Variants in LYN observed in about 807,000 individuals in gnomAD.
The protein encoded by LYN is tyrosine-protein kinase Lyn.
In LYN, 12 loss-of-function variants were observed where a neutral mutation model predicts 65.0. That is an observed-to-expected ratio of 0.18 (90% CI 0.12 to 0.30). The LOEUF (loss-of-function observed/expected upper bound fraction) is 0.30. Ranked by LOEUF, LYN falls within the 10% of genes least tolerant of loss-of-function variation. The pLI, the probability that LYN is intolerant of heterozygous loss-of-function variation, is 1.00. For missense variants in LYN, 380 were observed against 623.2 expected (o/e 0.61, Z 4.16); for synonymous variants, 222 against 221.2 (o/e 1.00, Z -0.03).
At chr8:55,966,358 T>C (rs1198527397) in intron 8 of LYN, among the ~76,000 whole-genome samples, 1 of 125,902 alleles carries the variant, frequency 7.9e-6, no homozygotes, top group Non-Finnish European at 1.7e-5. Flanking sequence ...ATCTACAAAG[T>C]GAAGTTTTAA....
chr8:55,885,552 A>G (rs1299181681), intron 1 of LYN, among the ~76,000 whole-genome samples: 1 of 152,200 alleles, frequency 6.6e-6, no homozygotes, highest in East Asian at 1.9e-4. Context: ...GGGCGCTGGT[A>G]CAGTGAGACT....
At chr8:55,912,779 G>A (rs1386057651) in intron 1 of LYN, among the ~76,000 whole-genome samples, 3 of 150,732 alleles carry the variant, frequency 2.0e-5, no homozygotes. Flanking sequence ...TCATTATAAG[G>A]AAAAAAGAAA....
chr8:55,926,917 C>T (rs1043729541), intron 1 of LYN, among the ~76,000 whole-genome samples: 4 of 152,316 alleles, frequency 2.6e-5, no homozygotes, highest in Admixed American at 6.5e-5. Flanking sequence ...CTAGGCAGTG[C>T]GCCCAGAGCT....
intron 10 of LYN, among the ~76,000 whole-genome samples, chr8:55,986,164 C>CA (rs1377875463): frequency 4.9e-4 from 67 of 135,986 alleles, no homozygotes; most frequent in Admixed American, 3.1e-3. Flanking sequence ...GACCCTGTCT[C>CA]AAAAAAAAAA....
chr8:55,987,318 G>A (rs1808101728), intron 10 of LYN, among the ~76,000 whole-genome samples: 1 of 150,506 alleles, frequency 6.6e-6, no homozygotes, highest in African/African-American at 2.5e-5. Flanking sequence ...TGAGGCACAA[G>A]AATTGCTCGA....
intron 9 of LYN, 115 bp downstream of exon 9, chr8:55,967,012 G>A (rs982535732): frequency 1.2e-4 from 103 of 883,198 alleles, no homozygotes; most frequent in Non-Finnish European, 1.5e-4. Context: ...ACCCACTACC[G>A]AAAAATCAGG....
At chr8:55,930,563 T>C (rs1382512454) in intron 1 of LYN, among the ~76,000 whole-genome samples, 3 of 152,204 alleles carry the variant, frequency 2.0e-5, no homozygotes, top group Non-Finnish European at 4.4e-5. Flanking sequence ...TAAGTTTCCA[T>C]GAGCTCATCT....
intron 1 of LYN, among the ~76,000 whole-genome samples, chr8:55,927,281 T>A (rs955346146): frequency 1.6e-4 from 24 of 152,196 alleles, no homozygotes; most frequent in African/African-American, 5.1e-4. Context: ...CAACCACTGA[T>A]CTTTTTAGTG....
intron 1 of LYN, among the ~76,000 whole-genome samples, chr8:55,933,013 T>C (rs1436679926): frequency 1.3e-5 from 2 of 152,218 alleles, no homozygotes; most frequent in African/African-American, 4.8e-5. Flanking sequence ...TTTGGTACTA[T>C]GCTCACTACC....
At position 55,932,010 on chromosome 8, in the gene LYN, A is replaced by T. The variant is rs148229038; in HGVS notation, c.-5-9845A>T. Among the ~76,000 whole-genome samples, 22 of 152,348 alleles carry T rather than the reference A, an allele frequency of 1.4e-4. No homozygotes were observed. The East Asian group carries it at 4.2e-3, about 29-fold the overall frequency. On this transcript the variant is annotated intron_variant, in intron 1 of 12. Transcript: ENST00000519728. The stretch of plus-strand genomic sequence containing the variant: ...CCAAATCATTTCCAACACATATGAC[A>T]TGCTTAAACTTTAGTTTCTGAGAAG...
At chr8:55,962,867 A>G (rs561907601) in intron 8 of LYN, among the ~76,000 whole-genome samples, 3 of 152,342 alleles carry the variant, frequency 2.0e-5, no homozygotes, top group East Asian at 1.9e-4. Flanking sequence ...GGAAGCTTCC[A>G]TTCAAAAAGG....
intron 1 of LYN, among the ~76,000 whole-genome samples, chr8:55,922,575 CT>C (rs1243612564): frequency 1.3e-5 from 2 of 152,030 alleles, no homozygotes; most frequent in Non-Finnish European, 2.9e-5. Flanking sequence ...CAAGACCAGC[CT>C]GGCCAACATG....
At chr8:55,894,607 A>G (rs1805040443) in intron 1 of LYN, among the ~76,000 whole-genome samples, 1 of 149,332 alleles carries the variant, frequency 6.7e-6, no homozygotes, top group African/African-American at 2.5e-5. Context: ...ATCTTGGCTC[A>G]CTGCAACCTC....
At chr8:56,000,657 AGCACAGGTTGCAGTGAGCCGAGACT>A (rs925147985) in intron 12 of LYN, among the ~76,000 whole-genome samples, 6 of 144,664 alleles carry the variant, frequency 4.1e-5, no homozygotes, top group African/African-American at 1.3e-4. Context: ...CAACCTGGGA[AGCACAGGTTGCAGTGAGCCGAGACT>A]GCACCCCTGC....
chr8:55,950,875 A>G, intron 6 of LYN, 91 bp downstream of exon 6: 2 of 886,190 alleles, frequency 2.3e-6, no homozygotes, highest in South Asian at 1.4e-5. Flanking sequence ...AAAAAAGGGC[A>G]TATAGTATGC....
At chr8:55,926,000 T>C (rs79522141) in intron 1 of LYN, among the ~76,000 whole-genome samples, 10,812 of 152,288 alleles carry the variant, frequency 0.071, 581 homozygotes, top group African/African-American at 0.14. Flanking sequence ...ACTTTTTATC[T>C]TGTTTTATAA....
chr8:55,965,900 G>A (rs1209875604), intron 8 of LYN, among the ~76,000 whole-genome samples: 2 of 152,118 alleles, frequency 1.3e-5, no homozygotes, highest in African/African-American at 2.4e-5. Flanking sequence ...TGAGGCTGGC[G>A]GATCACTTGA....
intron 1 of LYN, among the ~76,000 whole-genome samples, chr8:55,929,147 C>T (rs749422533): frequency 2.6e-5 from 4 of 152,258 alleles, no homozygotes; most frequent in Non-Finnish European, 5.9e-5. Flanking sequence ...TTCATATGTA[C>T]TGAGTCTTTT....
In LYN at chr8:56,012,120, GC is replaced by G. The variant is rs1808836280; in HGVS notation, c.*2013del. ...GCCTGTGATCCTTACCTCCATGTGGGCCCTTCACCAGCTTGGGCCTCATCTC... is the reference window on the plus strand; with the variant it reads ...GCCTGTGATCCTTACCTCCATGTGGGCCTTCACCAGCTTGGGCCTCATCTC... On this transcript the variant is annotated 3_prime_UTR_variant, in exon 13 of 13. Coordinates refer to ENST00000519728, the MANE Select transcript of LYN (RefSeq NM_002350.4). 1.6e-5 allele frequency: 3 copies of G among 191,234 alleles called. No individual in the cohort carries two copies. In the East Asian group the frequency reaches 2.5e-4, roughly 16 times the overall value. 11.8% of individuals were successfully genotyped at this position (191,234 alleles called of 1,614,324 possible).
Sources: allele counts gnomAD v4.1 joint callset (sites outside exome capture counted in the v4.1 genomes callset), GRCh38; gene constraint gnomAD v4.1.1; transcripts MANE v1.5; gene names NCBI Gene and HGNC (gene_info 2026-07-23, HGNC 2026-07-21).